Variants in GRIN3A observed in about 807,000 individuals in gnomAD.
GRIN3A encodes glutamate receptor ionotropic, NMDA 3A.
In GRIN3A, 47 loss-of-function variants were observed where a neutral mutation model predicts 92.4. The observed-to-expected ratio is 0.51, with a 90% CI of 0.40 to 0.65. The LOEUF is 0.65. Ranked by LOEUF, GRIN3A falls within the 30% of genes least tolerant of loss-of-function variation. The probability of loss-of-function intolerance (pLI) is 0.00; values close to 1 mark genes in which losing one functional copy is unlikely to be tolerated. For synonymous variants in GRIN3A, 527 were observed against 540.6 expected (o/e 0.97, Z 0.35); for missense variants, 1,324 against 1,393.1 (o/e 0.95, Z 0.79).
rs931285750 is a variant in GRIN3A, at chr9:101,570,798, A to G, written c.*2376T>C. 3 of 152,666 alleles carry G rather than the reference A, an allele frequency of 2.0e-5. No homozygotes were observed. The highest frequency in any genetic ancestry group is 2.9e-5 in the Non-Finnish European group (2 of 68,054). The allele number at this position is 152,666 out of a possible 1,614,324, so 9.5% of individuals were successfully genotyped here. The stretch of plus-strand genomic sequence containing the variant: ...AAATGCAGACTTACAAAACAGATAC[A>G]TTAAGGGATAATTAATTGCATTACA... On this transcript the variant is annotated 3_prime_UTR_variant, in exon 9 of 9. Coordinates refer to ENST00000361820, the MANE Select transcript of GRIN3A (RefSeq NM_133445.3).
chr9:101,728,347 C>T (rs1253938738), intron 1 of GRIN3A, among the ~76,000 whole-genome samples: 2 of 152,094 alleles, frequency 1.3e-5, no homozygotes, highest in East Asian at 1.9e-4. Context: ...AGCTAATGAC[C>T]ACCCCTGGCG....
chr9:101,582,182 G>A (rs773822027), intron 6 of GRIN3A, among the ~76,000 whole-genome samples: 2 of 152,096 alleles, frequency 1.3e-5, no homozygotes, highest in Admixed American at 6.5e-5. Flanking sequence ...AGAAACAGCC[G>A]GCCAGGCATG....
chr9:101,717,551 T>C (rs1022219912), intron 1 of GRIN3A, among the ~76,000 whole-genome samples: 1 of 152,210 alleles, frequency 6.6e-6, no homozygotes, highest in Non-Finnish European at 1.5e-5. Flanking sequence ...ACTTGGCTAA[T>C]CTTACCAAGA....
chr9:101,583,379 T>A (rs1007295158), intron 6 of GRIN3A, among the ~76,000 whole-genome samples: 3 of 152,314 alleles, frequency 2.0e-5, no homozygotes, highest in African/African-American at 7.2e-5. Context: ...TGTGTCTGAG[T>A]CTGAGTGACA....
At position 101,599,947 on chromosome 9, in the gene GRIN3A, G is replaced by A. The variant is rs959560481; in HGVS notation, c.2766+13429C>T. Among the ~76,000 whole-genome samples the A allele has an allele frequency of 1.6e-4, 24 of 152,150 alleles. 1 individual carries two copies. Among genetic ancestry groups the A allele is most frequent in the African/African-American group, 4.8e-4 (20 of 41,424 alleles). ...GTTTAGACTGTGGAACTACTAGCTC[G>A]AGTTTAAACTGTTTTTGAGCATCAG... On this transcript the variant is annotated intron_variant, in intron 6 of 8. Transcript: ENST00000361820.
intron 3 of GRIN3A, among the ~76,000 whole-genome samples, chr9:101,665,121 T>G (rs894765465): frequency 6.6e-6 from 1 of 151,984 alleles, no homozygotes; most frequent in African/African-American, 2.4e-5. Flanking sequence ...AACACTGTTA[T>G]TATAATTTAA....
At chr9:101,708,582 T>C (rs768053186) in intron 1 of GRIN3A, among the ~76,000 whole-genome samples, 2 of 152,174 alleles carry the variant, frequency 1.3e-5, no homozygotes, top group Non-Finnish European at 2.9e-5. Flanking sequence ...CCTACCATGA[T>C]AGGGTTCTGT....
intron 1 of GRIN3A, among the ~76,000 whole-genome samples, chr9:101,709,349 TA>T (rs1829850694): frequency 1.3e-5 from 2 of 152,198 alleles, no homozygotes; most frequent in South Asian, 4.1e-4. Context: ...AAGGCAGCTT[TA>T]AAAAATATAC....
chr9:101,671,107 C>A lies in GRIN3A; in HGVS notation c.1305G>T (p.Arg435Ser), dbSNP rs1377592486. 1 of 1,611,796 alleles carries A rather than the reference C, an allele frequency of 6.2e-7. No individual in the cohort carries two copies. Among genetic ancestry groups the A allele is most frequent in the African/African-American group, 1.3e-5 (1 of 74,818 alleles). ...CTCTGAAAGTGGTATTGGCTAGAAA[C>A]CTGGGAAAGAGGAGCAAAGGCAAAA... ...TNLTSGQYLS[R>S]FLANTTFRGL... Residue 435 changes from arginine to serine, a missense_variant and splice_region_variant, in exon 3 of 9, where the codon AGG becomes AGT. Transcript: ENST00000361820.
intron 1 of GRIN3A, among the ~76,000 whole-genome samples, chr9:101,687,459 A>G (rs1460940786): frequency 6.6e-6 from 1 of 152,158 alleles, no homozygotes; most frequent in African/African-American, 2.4e-5. Context: ...AAGTAACACA[A>G]TCATACATTT....
At chr9:101,598,960 A>G (rs2118824384) in intron 6 of GRIN3A, among the ~76,000 whole-genome samples, 1 of 152,308 alleles carries the variant, frequency 6.6e-6, no homozygotes, top group Admixed American at 6.5e-5. Context: ...AGTCATTTAG[A>G]AAGGAGCTCC....
Position 101,670,322 on chromosome 9 carries a change from C to T in GRIN3A, c.2090G>A (p.Trp697Ter). 1.9e-6 allele frequency: 3 copies of T among 1,614,016 alleles called. No homozygotes were observed. The highest frequency in any genetic ancestry group is 1.1e-5 in the South Asian group (1 of 91,078). Residue 697 changes from tryptophan (W) to a stop codon, truncating the protein, a stop_gained, in exon 3 of 9, where the codon TGG (tryptophan) becomes TAG (stop). Coordinates refer to ENST00000361820, the MANE Select transcript of GRIN3A (RefSeq NM_133445.3). LOFTEE classifies it high-confidence loss of function. ...GGGAGTCAAACCAAATGGACTCTTC[C>T]ATTCATACAGAGTGAGGAAGACGGC... is the stretch of plus-strand genomic sequence containing the variant. ...ITAVFLTLYE[W>*]KSPFGLTPKG...
intron 1 of GRIN3A, among the ~76,000 whole-genome samples, chr9:101,720,009 G>C (rs1829992229): frequency 6.6e-6 from 1 of 151,998 alleles, no homozygotes; most frequent in Admixed American, 6.5e-5. Context: ...CCTGACCATG[G>C]GAGCATCCAA....
rs181761025 is a variant in GRIN3A, at chr9:101,701,302, A to G, written c.700-14102T>C. ...AACGTATGTCATGGGGGTTTGTTGT[A>G]CAGATTATTTCATCACCGACGTATT... On this transcript the variant is annotated intron_variant, in intron 1 of 8. Coordinates refer to ENST00000361820, the MANE Select transcript of GRIN3A (RefSeq NM_133445.3). 1.3e-3 allele frequency among the ~76,000 whole-genome samples: 198 copies of G among 152,224 alleles called. 1 individual carries two copies. The highest frequency in any genetic ancestry group is 8.2e-4 in the Non-Finnish European group (56 of 67,996).
At chr9:101,613,656 T>G in intron 5 of GRIN3A, 129 bp from the exon 6 acceptor site, 2 of 799,328 alleles carry the variant, frequency 2.5e-6, no homozygotes, top group Non-Finnish European at 4.3e-6. Context: ...CAACTTTCTT[T>G]CAAAGCACTC....
chr9:101,699,423 G>A (rs2506359), intron 1 of GRIN3A, among the ~76,000 whole-genome samples: 118,557 of 151,936 alleles, frequency 0.78, 46,638 homozygotes, highest in Middle Eastern at 0.84. Flanking sequence ...ACCATAAACA[G>A]TATAGTAAAT....
intron 6 of GRIN3A, chr9:101,594,678 A>C (rs1828089065): frequency 7.4e-6 from 12 of 1,614,004 alleles, no homozygotes; most frequent in Non-Finnish European, 1.0e-5. Flanking sequence ...TTGACGCTGA[A>C]CTGGGAGGTC....
chr9:101,636,446 G>A (rs1270616083), intron 3 of GRIN3A, among the ~76,000 whole-genome samples: 5 of 152,068 alleles, frequency 3.3e-5, no homozygotes, highest in Admixed American at 6.6e-5. Context: ...TGTTTTCCCC[G>A]TTTTAAAAAT....
chr9:101,700,194 C>T lies in GRIN3A; in HGVS notation c.700-12994G>A, dbSNP rs528904536. ...CCAAATAACAGTGTCCAGAAAATGA[C>T]AGACTCACAGAAGAGATTTGCTGAT... is the stretch of plus-strand genomic sequence containing the variant. On this transcript the variant is annotated intron_variant, in intron 1 of 8. Transcript: ENST00000361820. Among the ~76,000 whole-genome samples, 2 of 152,262 alleles carry T rather than the reference C, an allele frequency of 1.3e-5. 1 individual carries two copies. Among genetic ancestry groups the T allele is most frequent in the South Asian group, 4.1e-4 (2 of 4,820 alleles).
Sources: gnomAD v4.1 joint callset for allele counts (sites outside exome capture counted in the v4.1 genomes callset) on GRCh38, gnomAD v4.1.1 for gene constraint, MANE v1.5 for transcripts, NCBI Gene and HGNC (gene_info 2026-07-23, HGNC 2026-07-21) for gene names.